Variants in UMOD observed in about 807,000 individuals in gnomAD.
UMOD encodes Tamm-Horsfall urinary glycoprotein.
Under a neutral mutation model 66.0 loss-of-function variants are expected in UMOD, and 64 were observed. The ratio of observed to expected loss-of-function variants is 0.97; its 90% CI spans 0.79 to 1.19. UMOD has a LOEUF of 1.19. Among genes scored for constraint, UMOD ranks in the 50% most tolerant of loss-of-function variants. The pLI is 0.00. For synonymous variants in UMOD, 398 were observed against 352.7 expected, an observed-to-expected ratio of 1.13 and a Z score of -1.44; for missense variants, 764 against 850.9, an observed-to-expected ratio of 0.90 and a Z score of 1.27.
rs1300633250 is a variant in UMOD at position 20,348,621 on chromosome 16, G to A, written c.680C>T (p.Ala227Val). Residue 227 changes from alanine (A) to valine (V), a missense_variant, in exon 3 of 11, where the codon GCC becomes GTC. By Grantham distance (64) the Ala-to-Val change is moderately conservative. Coordinates refer to ENST00000396138, the MANE Select transcript of UMOD (RefSeq NM_003361.4). The part of the protein sequence containing the change: ...CVPVLRCNTA[A>V]PMWLNGTHPS... ...ATGCGTGCCATTGAGCCACATGGGG[G>A]CGGCCGTGTTGCAGCGCAGGACTGG... 6.3e-7 allele frequency: 1 copy of A among 1,583,940 alleles called. No individual in the cohort carries two copies. The highest frequency in any genetic ancestry group is 8.5e-7 in the Non-Finnish European group (1 of 1,170,030).
intron 4 of UMOD, among the ~76,000 whole-genome samples, chr16:20,347,669 ACT>A (rs1965664972): frequency 6.6e-6 from 1 of 152,254 alleles, no homozygotes; most frequent in Non-Finnish European, 1.5e-5. Context: ...CACAGGTAAC[ACT>A]TGGATAAAGC....
At chr16:20,342,988 G>T (rs1161682640) in intron 6 of UMOD, among the ~76,000 whole-genome samples, 1 of 152,084 alleles carries the variant, frequency 6.6e-6, no homozygotes, top group Non-Finnish European at 1.5e-5. Flanking sequence ...AACTTAGCTG[G>T]GTGTGGTGGT....
At chr16:20,341,834 T>A (rs1965240615) in intron 6 of UMOD, among the ~76,000 whole-genome samples, 1 of 152,224 alleles carries the variant, frequency 6.6e-6, no homozygotes, top group Non-Finnish European at 1.5e-5. Context: ...TGTACTAACA[T>A]CTATATCAGA....
chr16:20,348,293 A>G lies in UMOD; in HGVS notation c.903T>C (p.Ser301=). 6.2e-7 allele frequency: 1 copy of G among 1,614,164 alleles called. No homozygotes were observed. Residue 301 remains serine (S), a synonymous_variant, in exon 4 of 11, where the codon AGT becomes AGC. Coordinates refer to ENST00000396138, the MANE Select transcript of UMOD (RefSeq NM_003361.4). ...SSVEGTCEEC[S]IDEDCKSNNG... ...TATTCGATTTGCAGTCCTCGTCTAT[A>G]CTGCACTCCTCACACGTCCCCTCCA...
At chr16:20,336,787 C>G (rs1964898192) in intron 8 of UMOD, 60 bp from the exon 9 acceptor site, 1 of 1,511,664 alleles carries the variant, frequency 6.6e-7, no homozygotes, top group Non-Finnish European at 9.2e-7. Flanking sequence ...GTGGTTCTGC[C>G]ACGTGGAGTG....
At chr16:20,336,490 G>A (rs1249341084) in intron 9 of UMOD, among the ~76,000 whole-genome samples, 156 bp downstream of exon 9, 2 of 152,208 alleles carry the variant, frequency 1.3e-5, no homozygotes, top group Non-Finnish European at 2.9e-5. Context: ...AATAGTGAAA[G>A]GAAGGCAGTC....
rs927583579 is a variant in UMOD, at chr16:20,346,402, C to T, written c.974-68G>A. 8 of 1,538,792 alleles carry T rather than the reference C, an allele frequency of 5.2e-6. No individual in the cohort carries two copies. The African/African-American group carries it at 1.1e-4, about 21-fold the overall frequency. Reference sequence around the variant, plus strand: ...TGGGGGCCCAGCACATCCCCAGGGGCCAGGTCCAGCTGGCTGGGCTGACCA... The same window carrying T: ...TGGGGGCCCAGCACATCCCCAGGGGTCAGGTCCAGCTGGCTGGGCTGACCA... On this transcript the variant is annotated intron_variant, in intron 4 of 10. Coordinates refer to ENST00000396138, the MANE Select transcript of UMOD (RefSeq NM_003361.4).
upstream of UMOD, among the ~76,000 whole-genome samples, chr16:20,353,712 G>A (rs561357401): frequency 6.6e-6 from 1 of 152,036 alleles, no homozygotes; most frequent in South Asian, 2.1e-4. Context: ...TAAAATATGT[G>A]TGAACTTGGG....
rs780169102 is a variant in UMOD at position 20,350,753 on chromosome 16, C to T, written c.-16G>A. The stretch of plus-strand genomic sequence containing the variant: ...GCTGCCCCATCCTTTCTGCTCTTCC[C>T]GCTACTTCAGGTCTAGATAGCACCT... On this transcript the variant is annotated 5_prime_UTR_variant, in exon 2 of 11. Transcript: ENST00000396138. 56 of 1,613,994 alleles carry T rather than the reference C, an allele frequency of 3.5e-5. No homozygotes were observed. In the East Asian group the frequency reaches 1.1e-3, roughly 31 times the overall value.
chr16:20,351,213 A>G, intron 1 of UMOD: 1 of 246,904 alleles, frequency 4.1e-6, no homozygotes, highest in South Asian at 6.0e-5. Context: ...TTCATTCAAC[A>G]AACATCTATT....
At chr16:20,341,644 A>T (rs1225763366) in intron 6 of UMOD, among the ~76,000 whole-genome samples, 2 of 152,134 alleles carry the variant, frequency 1.3e-5, no homozygotes, top group Non-Finnish European at 2.9e-5. Flanking sequence ...CTCAAGTAAC[A>T]CATCCAGTCC....
At chr16:20,355,016 C>T (rs1363812529), upstream of UMOD, among the ~76,000 whole-genome samples, 1 of 152,154 alleles carries the variant, frequency 6.6e-6, no homozygotes, top group Non-Finnish European at 1.5e-5. Flanking sequence ...TCAAACTAAG[C>T]CAATCCTAAA....
rs1004428970 is a variant in UMOD, at chr16:20,348,466, G to T, written c.835C>A (p.Pro279Thr). 1.2e-6 allele frequency: 2 copies of T among 1,613,148 alleles called. No individual in the cohort carries two copies. The change falls in exon 3 of 11, where the codon CCC becomes ACC. Residue 279 changes from proline to threonine, a missense_variant. Coordinates refer to ENST00000396138, the MANE Select transcript of UMOD (RefSeq NM_003361.4). ...CAGTACGCCAGGTGACACTCGGGGG[G>T]CGCTGTCAGGTTGTAGACGTAGTAG... ...GGYYVYNLTA[P>T]PECHLAYCTD...
Position 20,348,806 on chromosome 16 carries a change from G to T in UMOD, c.495C>A (p.Gly165=). The T allele has an allele frequency of 6.5e-7, 1 of 1,545,094 alleles. No homozygotes were observed. The change falls in exon 3 of 11, where the codon GGC becomes GGA. Residue 165 remains glycine, a synonymous_variant. Transcript: ENST00000396138. The part of the protein sequence containing the change: ...CGPGLDCVPE[G]DALVCADPCQ... The stretch of plus-strand genomic sequence containing the variant: ...ACGGATCCGCGCACACGAGCGCGTC[G>T]CCCTCGGGCACGCAGTCCAACCCCG...
chr16:20,343,885 C>T (rs1034684689), intron 6 of UMOD, 139 bp downstream of exon 6: 1 of 1,000,914 alleles, frequency 1.0e-6, no homozygotes, highest in Non-Finnish European at 1.5e-6. Context: ...TCCAGAATTC[C>T]TGGCTCTTCC....
upstream of UMOD, among the ~76,000 whole-genome samples, chr16:20,353,298 C>T (rs1045444066): frequency 6.6e-6 from 1 of 152,142 alleles, no homozygotes; most frequent in South Asian, 2.1e-4. Context: ...CTCTGTACAA[C>T]AAAGAATCAG....
chr16:20,343,260 TA>T (rs34115067), intron 6 of UMOD, among the ~76,000 whole-genome samples: 26,347 of 151,970 alleles, frequency 0.17, 2,389 homozygotes, highest in Middle Eastern at 0.21. Flanking sequence ...AGATTCCTTT[TA>T]AAAAAAATAA....
chr16:20,344,283 A>G, intron 5 of UMOD, 111 bp from the exon 6 acceptor site: 1 of 1,114,242 alleles, frequency 9.0e-7, no homozygotes, highest in South Asian at 1.3e-5. Context: ...GCTACTTGTG[A>G]GCCGCTCTCC....
intron 2 of UMOD, chr16:20,349,738 C>T (rs958391449): frequency 2.0e-6 from 3 of 1,536,044 alleles, no homozygotes; most frequent in Admixed American, 2.1e-5. Flanking sequence ...ACCTGTTGCC[C>T]CTCCCTTTCT....
Sources: allele counts gnomAD v4.1 joint callset (sites outside exome capture counted in the v4.1 genomes callset), GRCh38; gene constraint gnomAD v4.1.1; transcripts MANE v1.5; gene names NCBI Gene and HGNC (gene_info 2026-07-23, HGNC 2026-07-21).